Variants in CYP3A4 observed in about 807,000 individuals in gnomAD.
The protein encoded by CYP3A4 is cytochrome P450 family 3 subfamily A member 4.
CYP3A4 carries 41 observed loss-of-function variants against 54.9 expected under a neutral mutation model. The ratio of observed to expected loss-of-function variants is 0.75; its 90% confidence interval spans 0.58 to 0.97. The LOEUF is 0.97. Ranked by LOEUF, CYP3A4 falls within the 50% of genes least tolerant of loss-of-function variation. The pLI is 0.00. For synonymous variants in CYP3A4, 179 were observed against 205.2 expected (o/e 0.87, Z 1.09); for missense variants, 510 against 597.3 (o/e 0.85, Z 1.52).
At chr7:99,765,312 G>A (rs1433921443) in intron 9 of CYP3A4, among the ~76,000 whole-genome samples, 1 of 152,194 alleles carries the variant, frequency 6.6e-6, no homozygotes, top group African/African-American at 2.4e-5. Flanking sequence ...ATAGCCATAT[G>A]TGTCTAGTGA....
chr7:99,768,581 C>A (rs1483333384), intron 6 of CYP3A4, 79 bp from the exon 7 acceptor site: 3 of 1,610,346 alleles, frequency 1.9e-6, no homozygotes, highest in Non-Finnish European at 2.5e-6. Context: ...AGGAAACCCA[C>A]ATGTCCAGTC....
chr7:99,781,416 T>C (rs1484290283), intron 1 of CYP3A4, among the ~76,000 whole-genome samples: 1 of 152,204 alleles, frequency 6.6e-6, no homozygotes, highest in Non-Finnish European at 1.5e-5. Flanking sequence ...AGTCAGTTTA[T>C]TGCATCTGCC....
chr7:99,780,212 C>A, intron 1 of CYP3A4, 127 bp from the exon 2 acceptor site: 1 of 897,836 alleles, frequency 1.1e-6, no homozygotes, highest in South Asian at 1.6e-5. Flanking sequence ...GAAATAATAA[C>A]AGTAACTCTG....
chr7:99,762,206 G>T lies in CYP3A4; in HGVS notation c.1088C>A (p.Thr363Lys), dbSNP rs67784355. ...MEYLDMVVNETLRLFPIAMRL... is the reference protein window; with the variant it reads ...MEYLDMVVNEKLRLFPIAMRL... ...CATAGCAATTGGGAATAATCTGAGC[G>T]TTTCATTCACCACCATGTCAAGATA... Residue 363 changes from threonine to lysine, a missense_variant, in exon 11 of 13, where the codon ACG (threonine) becomes AAG (lysine). By Grantham distance (78) the Thr-to-Lys change is moderately conservative. Transcript: ENST00000651514. The T allele has an allele frequency of 1.9e-4, 311 of 1,614,036 alleles. No homozygotes were observed. The highest frequency in any genetic ancestry group is 2.5e-4 in the Non-Finnish European group (297 of 1,179,984).
intron 9 of CYP3A4, among the ~76,000 whole-genome samples, chr7:99,765,546 A>G (rs1357458453): frequency 6.6e-6 from 1 of 152,244 alleles, no homozygotes; most frequent in African/African-American, 2.4e-5. Context: ...ATAGACATAC[A>G]GACAAAAGTG....
At chr7:99,767,001 C>G in intron 8 of CYP3A4, 130 bp downstream of exon 8, 3 of 819,738 alleles carry the variant, frequency 3.7e-6, no homozygotes, top group Non-Finnish European at 3.7e-6. Flanking sequence ...TTCTCTTGCT[C>G]TAAACATGAG....
At chr7:99,763,144 A>C (rs1815382083) in intron 10 of CYP3A4, among the ~76,000 whole-genome samples, 1 of 152,128 alleles carries the variant, frequency 6.6e-6, no homozygotes, top group African/African-American at 2.4e-5. Flanking sequence ...TGCACAGCAC[A>C]CCCAGGGCCA....
At chr7:99,761,889 C>G (rs1815342111) in intron 11 of CYP3A4, 152 bp downstream of exon 11, 3 of 762,002 alleles carry the variant, frequency 3.9e-6, no homozygotes, top group Non-Finnish European at 6.3e-6. Flanking sequence ...TAAAGTGTGA[C>G]AATAATCAAT....
rs71581992 is a variant in CYP3A4, at chr7:99,768,397, C to T, written c.627G>A (p.Lys209=). ...GATCCAAAAAATCAAATCTTAAAAG[C>T]TTCTTGGTGTTTTCCACAAAGGGGT... The part of the protein sequence containing the change: ...PQDPFVENTK[K]LLRFDFLDPF... The change falls in exon 7 of 13, where the codon AAG becomes AAA. Residue 209 remains lysine, a synonymous_variant. Coordinates refer to ENST00000651514, the MANE Select transcript of CYP3A4 (RefSeq NM_017460.6). 8.7e-6 allele frequency: 14 copies of T among 1,613,902 alleles called. No individual in the cohort carries two copies. Among genetic ancestry groups the T allele is most frequent in the Non-Finnish European group, 1.1e-5 (13 of 1,179,904 alleles).
intron 8 of CYP3A4, 91 bp from the exon 9 acceptor site, chr7:99,766,534 A>C: frequency 1.3e-6 from 2 of 1,511,572 alleles, no homozygotes; most frequent in Non-Finnish European, 1.8e-6. Flanking sequence ...CCCTTCTGAG[A>C]ATATGGCTCC....
At position 99,764,023 on chromosome 7, in the gene CYP3A4, G is replaced by A. The variant is rs1183195154; in HGVS notation, c.866-8C>T. 1.2e-6 allele frequency: 2 copies of A among 1,613,722 alleles called. No individual in the cohort carries two copies. Among genetic ancestry groups the A allele is most frequent in the East Asian group, 4.5e-5 (2 of 44,860 alleles). On this transcript the variant is annotated splice_polypyrimidine_tract_variant and splice_region_variant and intron_variant, in intron 9 of 12. Transcript: ENST00000651514. ...GCTCCAGATCGGACAGAGCTGAAAG[G>A]AGAGGAAAGACATTTTAGGTAAATC... is the stretch of plus-strand genomic sequence containing the variant.
At chr7:99,776,467 T>C (rs1584548610) in intron 3 of CYP3A4, among the ~76,000 whole-genome samples, 1 of 151,954 alleles carries the variant, frequency 6.6e-6, no homozygotes, top group African/African-American at 2.4e-5. Flanking sequence ...ACAGACTGGA[T>C]AAAGAAAATG....
intron 1 of CYP3A4, among the ~76,000 whole-genome samples, chr7:99,782,280 A>G (rs1288426590): frequency 6.6e-6 from 1 of 152,220 alleles, no homozygotes; most frequent in Non-Finnish European, 1.5e-5. Flanking sequence ...TTCCGTGTCA[A>G]GGCAGAGGCT....
intron 4 of CYP3A4, among the ~76,000 whole-genome samples, chr7:99,771,793 C>T (rs926116424): frequency 6.6e-5 from 10 of 152,082 alleles, no homozygotes; most frequent in Admixed American, 3.3e-4. Context: ...CACAGTAGTA[C>T]GTGAGAGATG....
intron 3 of CYP3A4, among the ~76,000 whole-genome samples, 161 bp downstream of exon 3, chr7:99,777,867 C>T (rs1815811480): frequency 6.6e-6 from 1 of 152,088 alleles, no homozygotes; most frequent in Admixed American, 6.6e-5. Flanking sequence ...TACTCTACAC[C>T]CAAATAAATA....
chr7:99,758,331 A>G (rs1815234342), intron 12 of CYP3A4, 103 bp from the exon 13 acceptor site: 3 of 1,325,576 alleles, frequency 2.3e-6, no homozygotes, highest in Admixed American at 1.8e-5. Context: ...AGGGGACACA[A>G]CAGAGTGATA....
Position 99,757,863 on chromosome 7 carries a change from C to T in CYP3A4, c.*270G>A, listed in dbSNP as rs1438627543. On this transcript the variant is annotated 3_prime_UTR_variant, in exon 13 of 13. Coordinates refer to ENST00000651514, the MANE Select transcript of CYP3A4 (RefSeq NM_017460.6). ...GCTCAGGAGGAGTTAATGGTGCTAA[C>T]TGGGGGTGGTGGAAATAGTCCCGTG... is the stretch of plus-strand genomic sequence containing the variant. The T allele has an allele frequency of 8.0e-6, 3 of 376,936 alleles. No individual in the cohort carries two copies. The highest frequency in any genetic ancestry group is 8.1e-5 in the Admixed American group (2 of 24,840). 23.3% of individuals were successfully genotyped at this position (376,936 alleles called of 1,614,324 possible).
intron 3 of CYP3A4, among the ~76,000 whole-genome samples, chr7:99,775,243 T>C (rs1241472586): frequency 6.6e-6 from 1 of 152,094 alleles, no homozygotes; most frequent in African/African-American, 2.4e-5. Flanking sequence ...GAAGACTCCA[T>C]ATCATGAAAA....
In CYP3A4 at chr7:99,775,841, T is replaced by C. The variant is rs1815756583; in HGVS notation, c.218+2187A>G. ...GGCAACAAAAGCCAAAATTGACAAA[T>C]GGGATATGATTAAACTAAAGAGCTT... On this transcript the variant is annotated intron_variant, in intron 3 of 12. Transcript: ENST00000651514. Among the ~76,000 whole-genome samples, 3 of 151,938 alleles carry C rather than the reference T, an allele frequency of 2.0e-5. No homozygotes were observed. In the South Asian group the frequency reaches 6.2e-4, roughly 32 times the overall value.
Sources: gnomAD v4.1 joint callset for allele counts (sites outside exome capture counted in the v4.1 genomes callset) on GRCh38, gnomAD v4.1.1 for gene constraint, MANE v1.5 for transcripts, NCBI Gene and HGNC (gene_info 2026-07-23, HGNC 2026-07-21) for gene names.